ADARB2: variants seen among roughly 807,000 people sequenced by gnomAD.
ADARB2 encodes the protein inactive double-stranded RNA-specific editase B2.
ADARB2 carries 25 observed loss-of-function variants against 62.2 expected under a neutral mutation model. That is an observed-to-expected ratio of 0.40 (90% CI 0.29 to 0.56). The LOEUF is 0.56. Ranked by LOEUF, ADARB2 falls within the 20% of genes least tolerant of loss-of-function variation. The pLI, the probability that ADARB2 is intolerant of heterozygous loss-of-function variation, is 0.43. For synonymous variants in ADARB2, 572 were observed against 500.8 expected (o/e 1.14, Z -1.90); for missense variants, 1,071 against 1,077.4 (o/e 0.99, Z 0.08).
chr10:1,654,717 A>G (rs1834153590), intron 1 of ADARB2, among the ~76,000 whole-genome samples: 2 of 152,198 alleles, frequency 1.3e-5, no homozygotes, highest in African/African-American at 2.4e-5. Flanking sequence ...TGGAGTGGGC[A>G]TTTATGTGGG....
intron 8 of ADARB2, among the ~76,000 whole-genome samples, chr10:1,189,803 ACG>A (rs1836814312): frequency 2.6e-5 from 3 of 115,954 alleles, no homozygotes; most frequent in South Asian, 3.6e-4. Context: ...TCCCCAGAAC[ACG>A]TGGCGCTACC....
At chr10:1,490,874 A>C (rs1831613290) in intron 1 of ADARB2, among the ~76,000 whole-genome samples, 1 of 152,192 alleles carries the variant, frequency 6.6e-6, no homozygotes, top group Non-Finnish European at 1.5e-5. Context: ...CAGTTGTCTC[A>C]TGAACTACAT....
intron 3 of ADARB2, among the ~76,000 whole-genome samples, chr10:1,303,233 A>G (rs969410967): frequency 1.6e-4 from 25 of 152,286 alleles, no homozygotes; most frequent in Admixed American, 7.8e-4. Context: ...TGAAGAATGC[A>G]GAAGCCTCAG....
intron 4 of ADARB2, among the ~76,000 whole-genome samples, chr10:1,262,557 G>GATAAAT (rs1554771094): frequency 2.6e-5 from 4 of 151,438 alleles, no homozygotes; most frequent in Non-Finnish European, 5.9e-5. Flanking sequence ...CTGGCTATCA[G>GATAAAT]AGAAATACAA....
rs559420747 is a variant in ADARB2, at chr10:1,228,627, G to A, written c.1513+5067C>T. ...CTAGGTCCAGGGGAAAGCCACAGATGTGGCAGTTTTGAGTCGCTTGAGATG... is the reference window on the plus strand; with the variant it reads ...CTAGGTCCAGGGGAAAGCCACAGATATGGCAGTTTTGAGTCGCTTGAGATG... On this transcript the variant is annotated intron_variant, in intron 6 of 9. Coordinates refer to ENST00000381312, the MANE Select transcript of ADARB2 (RefSeq NM_018702.4). Among the ~76,000 whole-genome samples the A allele has an allele frequency of 3.5e-4, 53 of 152,372 alleles. 1 individual carries two copies. The highest frequency in any genetic ancestry group is 1.3e-3 in the African/African-American group (52 of 41,588).
At chr10:1,654,956 GAGTCACATTC>G (rs1834155859) in intron 1 of ADARB2, among the ~76,000 whole-genome samples, 1 of 152,240 alleles carries the variant, frequency 6.6e-6, no homozygotes, top group Non-Finnish European at 1.5e-5. Context: ...TGGAATGCCA[GAGTCACATTC>G]AGTTACAAGG....
At position 1,638,770 on chromosome 10, in the gene ADARB2, G is replaced by A. The variant is rs552715933; in HGVS notation, c.100+98281C>T. ...TGCAGCCAGTCCTCTCCATGTCTGCGAGATGACACAGCTGGACCCGACGAG... is the reference window on the plus strand; with the variant it reads ...TGCAGCCAGTCCTCTCCATGTCTGCAAGATGACACAGCTGGACCCGACGAG... On this transcript the variant is annotated intron_variant, in intron 1 of 9. Coordinates refer to ENST00000381312, the MANE Select transcript of ADARB2 (RefSeq NM_018702.4). 1.9e-3 allele frequency among the ~76,000 whole-genome samples: 296 copies of A among 152,260 alleles called. 1 individual carries two copies. The highest frequency in any genetic ancestry group is 3.1e-3 in the Non-Finnish European group (210 of 68,026).
intron 1 of ADARB2, among the ~76,000 whole-genome samples, chr10:1,468,621 C>T (rs763576459): frequency 2.6e-5 from 4 of 152,214 alleles, no homozygotes; most frequent in African/African-American, 4.8e-5. Flanking sequence ...CTAGGTCTGC[C>T]AAAGTCTGGT....
intron 3 of ADARB2, among the ~76,000 whole-genome samples, chr10:1,302,571 G>C (rs1337053870): frequency 2.7e-4 from 38 of 140,838 alleles, no homozygotes; most frequent in Middle Eastern, 7.8e-3. Flanking sequence ...CACCTCTGGG[G>C]GCAGGGCACA....
intron 3 of ADARB2, among the ~76,000 whole-genome samples, chr10:1,300,496 C>A (rs1337779700): frequency 6.6e-6 from 1 of 152,208 alleles, no homozygotes; most frequent in African/African-American, 2.4e-5. Context: ...ATCAATTCCC[C>A]CCATGTGTGC....
rs898069427 is a variant in ADARB2 at position 1,181,238 on chromosome 10, G to A, written c.*1955C>T. 2.0e-5 allele frequency: 3 copies of A among 151,012 alleles called. No individual in the cohort carries two copies. Among genetic ancestry groups the A allele is most frequent in the African/African-American group, 7.3e-5 (3 of 41,014 alleles). 9.4% of individuals were successfully genotyped at this position (151,012 alleles called of 1,614,324 possible). ...GGGAGCGCTCACTTCTGACTGCTGC[G>A]AATGTCTGAGCCACCCATCACCTCT... is the stretch of plus-strand genomic sequence containing the variant. On this transcript the variant is annotated 3_prime_UTR_variant, in exon 10 of 10. Coordinates refer to ENST00000381312, the MANE Select transcript of ADARB2 (RefSeq NM_018702.4).
chr10:1,285,603 G>A (rs1182959182), intron 3 of ADARB2, among the ~76,000 whole-genome samples: 2 of 152,210 alleles, frequency 1.3e-5, no homozygotes, highest in East Asian at 3.9e-4. Context: ...TTGATGAGCT[G>A]TGCATTCCCG....
intron 3 of ADARB2, among the ~76,000 whole-genome samples, chr10:1,321,799 C>T (rs1407954684): frequency 6.6e-6 from 1 of 152,154 alleles, no homozygotes; most frequent in Non-Finnish European, 1.5e-5. Context: ...GGTTGGTAAG[C>T]CCTGTACTCT....
chr10:1,609,431 C>T (rs1223949409), intron 1 of ADARB2, among the ~76,000 whole-genome samples: 1 of 152,266 alleles, frequency 6.6e-6, no homozygotes, highest in Non-Finnish European at 1.5e-5. Context: ...GCCCTGTCTG[C>T]CCCTGTCTCC....
At position 1,533,759 on chromosome 10, in the gene ADARB2, G is replaced by A. The variant is rs185084958; in HGVS notation, c.101-154599C>T. Among the ~76,000 whole-genome samples, 170 of 152,240 alleles carry A rather than the reference G, an allele frequency of 1.1e-3. 1 individual carries two copies. The highest frequency in any genetic ancestry group is 9.5e-3 in the Admixed American group (145 of 15,296). On this transcript the variant is annotated intron_variant, in intron 1 of 9. Transcript: ENST00000381312. Reference sequence around the variant, plus strand: ...CTTACGCATATTCCATTTCCTCCTCGGAGTAACATCAGCGTATGAAATGCC... The same window carrying A: ...CTTACGCATATTCCATTTCCTCCTCAGAGTAACATCAGCGTATGAAATGCC...
At chr10:1,252,659 AT>A (rs36041056) in intron 4 of ADARB2, among the ~76,000 whole-genome samples, 92,539 of 149,638 alleles carry the variant, frequency 0.62, 29,685 homozygotes, top group African/African-American at 0.8. Context: ...CTGCAAGCCA[AT>A]TTTTTTTTTT....
chr10:1,400,550 A>G (rs1832652901), intron 1 of ADARB2, among the ~76,000 whole-genome samples: 1 of 152,068 alleles, frequency 6.6e-6, no homozygotes. Flanking sequence ...AATTAGATCT[A>G]AAACTGGTTA....
intron 1 of ADARB2, among the ~76,000 whole-genome samples, chr10:1,433,589 T>C (rs1014177812): frequency 1.3e-5 from 2 of 152,096 alleles, no homozygotes. Flanking sequence ...CATCCATAGA[T>C]GACTGAGGGG....
chr10:1,615,266 C>A (rs1342441301), intron 1 of ADARB2, among the ~76,000 whole-genome samples: 2 of 152,176 alleles, frequency 1.3e-5, no homozygotes, highest in African/African-American at 4.8e-5. Context: ...GGAGCCAATG[C>A]CATGGCCTTG....
Sources: gnomAD v4.1 joint callset for allele counts (sites outside exome capture counted in the v4.1 genomes callset) on GRCh38, gnomAD v4.1.1 for gene constraint, MANE v1.5 for transcripts, NCBI Gene and HGNC (gene_info 2026-07-23, HGNC 2026-07-21) for gene names.